The following SMOC1 variants were observed in gnomAD, a reference collection of about 807,000 sequenced individuals.
The protein encoded by SMOC1 is SPARC related modular calcium binding 1.
Under a neutral mutation model 56.3 loss-of-function variants are expected in SMOC1, and 22 were observed. That is an observed-to-expected ratio of 0.39 (90% CI 0.28 to 0.56). The LOEUF (loss-of-function observed/expected upper bound fraction) is 0.56. Among genes scored for constraint, SMOC1 ranks in the 20% least tolerant of loss-of-function variants. The probability of loss-of-function intolerance (pLI) is 0.61; values close to 1 mark genes in which losing one functional copy is unlikely to be tolerated. For missense variants in SMOC1, 509 were observed against 565.4 expected, an observed-to-expected ratio of 0.90 and a Z score of 1.01; for synonymous variants, 193 against 215.0, an observed-to-expected ratio of 0.90 and a Z score of 0.89.
chr14:70,009,109 TTTC>T (rs1885245463), intron 7 of SMOC1, among the ~76,000 whole-genome samples: 1 of 152,250 alleles, frequency 6.6e-6, no homozygotes. Flanking sequence ...CTGTTTAGCT[TTTC>T]TATATTTGCA....
At chr14:70,010,986 C>G (rs1328155674) in intron 8 of SMOC1, 40 bp downstream of exon 8, 2 of 1,607,800 alleles carry the variant, frequency 1.2e-6, no homozygotes, top group Middle Eastern at 2.3e-4. Context: ...AACGCACCTG[C>G]TGGCTGTTAT....
At chr14:69,976,817 G>T (rs227444) in intron 4 of SMOC1, among the ~76,000 whole-genome samples, 62,690 of 152,064 alleles carry the variant, frequency 0.41, 14,064 homozygotes, top group African/African-American at 0.59. Flanking sequence ...TGCTAAAACC[G>T]ATGGGAAATT....
chr14:69,981,519 T>G (rs1884176032), intron 5 of SMOC1, among the ~76,000 whole-genome samples: 3 of 151,838 alleles, frequency 2.0e-5, no homozygotes. Context: ...AAGAGAGACG[T>G]GTGTGTGTTG....
At chr14:69,904,986 G>T (rs1275847) in intron 1 of SMOC1, among the ~76,000 whole-genome samples, 101,859 of 152,090 alleles carry the variant, frequency 0.67, 38,807 homozygotes, top group East Asian at 0.91. Flanking sequence ...CTTGTTTGAT[G>T]TGTTATCAAG....
intron 5 of SMOC1, among the ~76,000 whole-genome samples, chr14:69,987,820 G>C (rs549793712): frequency 1.7e-4 from 26 of 152,264 alleles, no homozygotes; most frequent in African/African-American, 6.0e-4. Context: ...CGTGGGCCAG[G>C]CCTTCTCGCA....
rs114217068 is a variant in SMOC1, at chr14:69,907,638, A to G, written c.99+27861A>G. 1.2e-3 allele frequency among the ~76,000 whole-genome samples: 178 copies of G among 152,356 alleles called. 1 individual carries two copies. The highest frequency in any genetic ancestry group is 4.0e-3 in the African/African-American group (167 of 41,580). The stretch of plus-strand genomic sequence containing the variant: ...CCGACATTCGGTAAGACAGAAAACA[A>G]GAGAAGTATTAAGAATGAACCCAAG... On this transcript the variant is annotated intron_variant, in intron 1 of 11. Coordinates refer to ENST00000361956, the MANE Select transcript of SMOC1 (RefSeq NM_001034852.3).
chr14:69,935,552 C>T (rs1033315132), intron 1 of SMOC1, among the ~76,000 whole-genome samples: 3 of 152,220 alleles, frequency 2.0e-5, no homozygotes, highest in Non-Finnish European at 4.4e-5. Context: ...TTGCTGGGGT[C>T]TCTTTAGAGT....
chr14:69,935,548 G>A (rs1412402965), intron 1 of SMOC1, among the ~76,000 whole-genome samples: 2 of 152,178 alleles, frequency 1.3e-5, no homozygotes, highest in Admixed American at 1.3e-4. Context: ...TAGTTTGCTG[G>A]GGTCTCTTTA....
At chr14:69,943,858 C>G (rs536685630) in intron 1 of SMOC1, among the ~76,000 whole-genome samples, 119 of 152,306 alleles carry the variant, frequency 7.8e-4, no homozygotes, top group Non-Finnish European at 1.4e-3. Context: ...TACTATAGAC[C>G]CAAACCACTG....
intron 1 of SMOC1, among the ~76,000 whole-genome samples, chr14:69,926,740 G>A (rs924733284): frequency 2.6e-5 from 4 of 152,200 alleles, no homozygotes; most frequent in Non-Finnish European, 5.9e-5. Context: ...CCCTGTTGTA[G>A]CCAAATGGCA....
In SMOC1 at chr14:70,032,283, GTGT is replaced by G. The variant is rs1886182327; in HGVS notation, c.*2029_*2031del. On this transcript the variant is annotated 3_prime_UTR_variant, in exon 12 of 12. Coordinates refer to ENST00000361956, the MANE Select transcript of SMOC1 (RefSeq NM_001034852.3). ...TCCCACAGGATCGTGTGTGTAGGTG[GTGT>G]TGTGTGGTTTTCCTTTGTGAAGGAG... is the stretch of plus-strand genomic sequence containing the variant. 2.0e-5 allele frequency: 3 copies of G among 152,308 alleles called. No homozygotes were observed. Among genetic ancestry groups the G allele is most frequent in the Non-Finnish European group, 4.4e-5 (3 of 68,050 alleles). 9.4% of individuals were successfully genotyped at this position (152,308 alleles called of 1,614,324 possible). A position where few individuals can be genotyped will look rare whatever the true frequency, so the allele number is the denominator to read the frequency against.
intron 10 of SMOC1, among the ~76,000 whole-genome samples, chr14:70,018,629 A>T (rs1157841390): frequency 6.6e-6 from 1 of 152,180 alleles, no homozygotes; most frequent in Non-Finnish European, 1.5e-5. Context: ...ATCAGTCCCA[A>T]AGGAAGATTT....
chr14:69,968,030 A>G (rs1883633565), intron 3 of SMOC1, among the ~76,000 whole-genome samples: 3 of 152,238 alleles, frequency 2.0e-5, no homozygotes, highest in Non-Finnish European at 4.4e-5. Flanking sequence ...AGAAGATTTA[A>G]TACTGCAGTC....
At chr14:69,977,104 T>C (rs899069655) in intron 4 of SMOC1, among the ~76,000 whole-genome samples, 9 of 152,206 alleles carry the variant, frequency 5.9e-5, no homozygotes, top group African/African-American at 2.2e-4. Flanking sequence ...GATAATATGT[T>C]TGAGTTCTCA....
At chr14:69,985,516 AT>A (rs1386393925) in intron 5 of SMOC1, among the ~76,000 whole-genome samples, 1 of 152,240 alleles carries the variant, frequency 6.6e-6, no homozygotes, top group South Asian at 2.1e-4. Flanking sequence ...CCTTCAGTGG[AT>A]GAAACAAACT....
chr14:70,010,023 C>T (rs1412205653), intron 7 of SMOC1, among the ~76,000 whole-genome samples: 1 of 152,218 alleles, frequency 6.6e-6, no homozygotes, highest in African/African-American at 2.4e-5. Context: ...CGCTCTGTCT[C>T]AGCCGGGGAC....
At chr14:69,943,987 A>C (rs1882683129) in intron 1 of SMOC1, among the ~76,000 whole-genome samples, 1 of 152,232 alleles carries the variant, frequency 6.6e-6, no homozygotes, top group African/African-American at 2.4e-5. Context: ...GTCTGTGAGG[A>C]TCAGACTGAG....
chr14:70,003,630 C>T (rs891610121), intron 7 of SMOC1, among the ~76,000 whole-genome samples: 5 of 152,106 alleles, frequency 3.3e-5, no homozygotes, highest in African/African-American at 9.7e-5. Context: ...CCACCAGAGA[C>T]GGGTGTGGTG....
chr14:69,936,616 G>A lies in SMOC1; in HGVS notation c.100-15522G>A, dbSNP rs531794315. On this transcript the variant is annotated intron_variant, in intron 1 of 11. Coordinates refer to ENST00000361956, the MANE Select transcript of SMOC1 (RefSeq NM_001034852.3). ...CTTGTGTGGGCCATTGCCGGCCAGCGTTGGATGCTTTTGAGGTGACAGCAG... is the reference window on the plus strand; with the variant it reads ...CTTGTGTGGGCCATTGCCGGCCAGCATTGGATGCTTTTGAGGTGACAGCAG... Among the ~76,000 whole-genome samples, 9 of 152,362 alleles carry A rather than the reference G, an allele frequency of 5.9e-5. No homozygotes were observed. In the South Asian group the frequency reaches 1.2e-3, roughly 21 times the overall value.
Sources: allele counts gnomAD v4.1 joint callset (sites outside exome capture counted in the v4.1 genomes callset), GRCh38; gene constraint gnomAD v4.1.1; transcripts MANE v1.5; gene names NCBI Gene and HGNC (gene_info 2026-07-23, HGNC 2026-07-21).